The following ZNF215 variants were observed in gnomAD, a reference collection of about 807,000 sequenced individuals.
ZNF215 encodes BWSCR2-associated zinc finger protein 2.
A neutral mutation model predicts 27.2 loss-of-function variants in ZNF215; 24 were observed. The observed-to-expected ratio is 0.88, with a 90% CI of 0.64 to 1.24. ZNF215 has a LOEUF of 1.24. Ranked by LOEUF, ZNF215 falls within the 50% of genes most tolerant of loss-of-function variation. ZNF215 has a pLI of 0.00. For missense variants in ZNF215, 675 were observed against 605.7 expected, an observed-to-expected ratio of 1.11 and a Z score of -1.20; for synonymous variants, 210 against 204.0, an observed-to-expected ratio of 1.03 and a Z score of -0.25.
At chr11:6,991,254 T>C (rs2133366906), downstream of ZNF215, among the ~76,000 whole-genome samples, 1 of 152,362 alleles carries the variant, frequency 6.6e-6, no homozygotes, top group South Asian at 2.1e-4. Flanking sequence ...ATGGTCAGAA[T>C]GGATGGCTCC....
intron 2 of ZNF215, among the ~76,000 whole-genome samples, chr11:6,928,827 A>G (rs1308320586): frequency 7.2e-6 from 1 of 139,176 alleles, no homozygotes; most frequent in Non-Finnish European, 1.6e-5. Flanking sequence ...TCCACCAGTC[A>G]TATTTAAGAG....
intron 5 of ZNF215, among the ~76,000 whole-genome samples, chr11:6,965,796 T>C (rs903627820): frequency 6.6e-6 from 1 of 152,298 alleles, no homozygotes; most frequent in African/African-American, 2.4e-5. Flanking sequence ...TGTGATCTCA[T>C]TGAGATTTTT....
chr11:6,974,078 G>A (rs1451443054), intron 5 of ZNF215, among the ~76,000 whole-genome samples: 5 of 152,120 alleles, frequency 3.3e-5, no homozygotes, highest in Admixed American at 6.6e-5. Flanking sequence ...TGTATAAGGT[G>A]TAAGGAAGGG....
intron 5 of ZNF215, among the ~76,000 whole-genome samples, chr11:6,973,914 C>T (rs1443108798): frequency 6.6e-6 from 1 of 152,122 alleles, no homozygotes; most frequent in African/African-American, 2.4e-5. Flanking sequence ...TCCCATTTGT[C>T]AATTTTGGCT....
At chr11:6,982,847 A>T (rs1850986048) in intron 5 of ZNF215, among the ~76,000 whole-genome samples, 1 of 152,052 alleles carries the variant, frequency 6.6e-6, no homozygotes, top group African/African-American at 2.4e-5. Flanking sequence ...AATTAAAAGA[A>T]CTAGAAAAGC....
intron 2 of ZNF215, among the ~76,000 whole-genome samples, chr11:6,931,243 C>G (rs1849248171): frequency 6.6e-6 from 1 of 152,202 alleles, no homozygotes; most frequent in Non-Finnish European, 1.5e-5. Context: ...ATTTGGCAGG[C>G]TCTTTGAGAC....
chr11:6,943,428 G>T, intron 5 of ZNF215, 118 bp from the exon 6 acceptor site: 6 of 1,151,636 alleles, frequency 5.2e-6, no homozygotes, highest in East Asian at 2.4e-5. Context: ...TGCTCTTCTG[G>T]CCTTACCCTT....
At chr11:6,958,250 AT>A (rs1564968418), downstream of ZNF215, among the ~76,000 whole-genome samples, 1 of 152,206 alleles carries the variant, frequency 6.6e-6, no homozygotes, top group African/African-American at 2.4e-5. Context: ...GACTTTTTAA[AT>A]TTAGGTATTC....
chr11:6,947,540 A>AAAAT (rs1249678615), intron 6 of ZNF215, among the ~76,000 whole-genome samples: 2 of 152,136 alleles, frequency 1.3e-5, no homozygotes, highest in African/African-American at 2.4e-5. Context: ...CCCTGTCTCT[A>AAAAT]AAATAAATAA....
At chr11:6,972,592 T>G (rs946041860) in intron 5 of ZNF215, among the ~76,000 whole-genome samples, 2 of 152,168 alleles carry the variant, frequency 1.3e-5, no homozygotes, top group African/African-American at 4.8e-5. Context: ...TCACGAGTGA[T>G]TTTAATAAAT....
intron 6 of ZNF215, among the ~76,000 whole-genome samples, chr11:6,955,122 A>G (rs949999346): frequency 1.3e-5 from 2 of 152,168 alleles, no homozygotes; most frequent in Non-Finnish European, 2.9e-5. Context: ...GAGCCCAGAA[A>G]AAGGACTTCC....
intron 5 of ZNF215, among the ~76,000 whole-genome samples, chr11:6,978,577 G>A (rs1371533936): frequency 6.6e-6 from 1 of 151,974 alleles, no homozygotes; most frequent in Non-Finnish European, 1.5e-5. Context: ...TGGATTGATG[G>A]ATGACAGAAA....
chr11:6,967,152 A>G (rs1291899771), intron 5 of ZNF215, among the ~76,000 whole-genome samples: 3 of 152,032 alleles, frequency 2.0e-5, no homozygotes, highest in Non-Finnish European at 2.9e-5. Context: ...ATCCTTTTTT[A>G]TGGCTGCATA....
At chr11:6,946,527 G>A (rs1849820581) in intron 6 of ZNF215, among the ~76,000 whole-genome samples, 1 of 152,160 alleles carries the variant, frequency 6.6e-6, no homozygotes, top group Non-Finnish European at 1.5e-5. Context: ...CATTCTGGTT[G>A]TCCCTGGAAT....
downstream of ZNF215, among the ~76,000 whole-genome samples, chr11:6,962,452 C>G (rs1284085221): frequency 3.3e-5 from 5 of 152,232 alleles, no homozygotes; most frequent in East Asian, 9.6e-4. Flanking sequence ...CCAAATTGAT[C>G]TGATAAGGGA....
rs1245841390 is a variant in ZNF215 at position 6,956,371 on chromosome 11, T to A, written c.1394T>A (p.Val465Asp). 2 of 1,614,024 alleles carry A rather than the reference T, an allele frequency of 1.2e-6. No individual in the cohort carries two copies. The highest frequency in any genetic ancestry group is 1.7e-6 in the Non-Finnish European group (2 of 1,180,016). Residue 465 changes from valine to aspartate, a missense_variant, in exon 7 of 7, where the codon GTT becomes GAT. Coordinates refer to ENST00000278319, the MANE Select transcript of ZNF215 (RefSeq NM_013250.4). ...LHFGNNFYQC[V>D]NCGKSFNRSS... ...TTTGGAAACAATTTCTATCAATGTG[T>A]TAACTGTGGAAAATCCTTCAACCGG...
downstream of ZNF215, among the ~76,000 whole-genome samples, chr11:6,993,034 T>C (rs1298155196): frequency 3.9e-5 from 6 of 152,230 alleles, no homozygotes; most frequent in African/African-American, 1.4e-4. Context: ...AGTCATGCTT[T>C]GATGTACTTA....
chr11:6,935,015 C>T (rs1028799477), intron 3 of ZNF215, among the ~76,000 whole-genome samples: 1 of 152,178 alleles, frequency 6.6e-6, no homozygotes, highest in South Asian at 2.1e-4. Flanking sequence ...AAAACCTGCT[C>T]ATAGGGCTTG....
At chr11:6,974,778 T>G (rs1052866674) in intron 5 of ZNF215, among the ~76,000 whole-genome samples, 1 of 152,112 alleles carries the variant, frequency 6.6e-6, no homozygotes, top group Non-Finnish European at 1.5e-5. Context: ...CTTATCAGCT[T>G]AAGGAGATTT....
Sources: gnomAD v4.1 joint callset for allele counts (sites outside exome capture counted in the v4.1 genomes callset) on GRCh38, gnomAD v4.1.1 for gene constraint, MANE v1.5 for transcripts, NCBI Gene and HGNC (gene_info 2026-07-23, HGNC 2026-07-21) for gene names.